The following ITIH4 variants were observed in gnomAD, a reference collection of about 807,000 sequenced individuals.
ITIH4 encodes the protein inter-alpha-trypsin inhibitor heavy chain H4.
A neutral mutation model predicts 111.8 loss-of-function variants in ITIH4; 79 were observed. The ratio of observed to expected loss-of-function variants is 0.71; its 90% CI spans 0.59 to 0.85. The LOEUF is 0.85. ITIH4 is among the 40% of genes least tolerant of loss of function. ITIH4 has a pLI of 0.00. For synonymous variants in ITIH4, 472 were observed against 468.3 expected (o/e 1.01, Z -0.10); for missense variants, 1,065 against 1,195.8 (o/e 0.89, Z 1.61).
chr3:52,818,512 G>GT lies in ITIH4; in HGVS notation c.2101dup (p.Thr701AsnfsTer5). On this transcript the variant is annotated frameshift_variant, in exon 18 of 24. Coordinates refer to ENST00000266041, the MANE Select transcript of ITIH4 (RefSeq NM_002218.5). LOFTEE classifies it high-confidence loss of function. ...AGACACAGCTGGATCAGGATTTGAG[G>GT]TGGCTGGTGGTGCTGAAGCAGGCAC... The GT allele has an allele frequency of 6.2e-7, 1 of 1,605,578 alleles. No homozygotes were observed. Among genetic ancestry groups the GT allele is most frequent in the Non-Finnish European group, 8.5e-7 (1 of 1,175,862 alleles).
rs952667541 is a variant in ITIH4, at chr3:52,825,925, G to A, written c.720C>T (p.Arg240=). The part of the protein sequence containing the change: ...ETVLDGNLII[R]YDVDRAISGG... ...CGGAGATGGCCCGGTCCACATCATA[G>A]CGGATAATGAGGTTGCCGTCCAGGA... Residue 240 remains arginine (R), a synonymous_variant, in exon 6 of 24, where the codon CGC becomes CGT. Transcript: ENST00000266041. 1.9e-6 allele frequency: 3 copies of A among 1,614,138 alleles called. No individual in the cohort carries two copies. The highest frequency in any genetic ancestry group is 2.2e-5 in the South Asian group (2 of 91,080).
rs56251734 is a variant in ITIH4, at chr3:52,823,136, G to A, written c.1539+420C>T. Among the ~76,000 whole-genome samples, 934 of 152,284 alleles carry A rather than the reference G, an allele frequency of 6.1e-3. 13 individuals are homozygous for A. The highest frequency in any genetic ancestry group is 0.022 in the African/African-American group (910 of 41,566). On this transcript the variant is annotated intron_variant, in intron 11 of 23. Transcript: ENST00000266041. Reference sequence around the variant, plus strand: ...CCTGGAAGGAGGCAGGGAAGGCTGGGCAAGGACAGGGTGCCACGTGGCAAG... The same window carrying A: ...CCTGGAAGGAGGCAGGGAAGGCTGGACAAGGACAGGGTGCCACGTGGCAAG...
Position 52,824,970 on chromosome 3 carries a change from G to T in ITIH4, c.760-12C>A. On this transcript the variant is annotated splice_polypyrimidine_tract_variant and intron_variant, in intron 6 of 23. Coordinates refer to ENST00000266041, the MANE Select transcript of ITIH4 (RefSeq NM_002218.5). This position sits in a 1 kb window ranked among gnomAD's most constrained non-coding sequence, Gnocchi z 4.3. ...TAGCCGTTCTCGATCTGTGGCCAGA[G>T]TGAGACCCACCCAGGCCATCAGAGC... 2 of 1,577,260 alleles carry T rather than the reference G, an allele frequency of 1.3e-6. No homozygotes were observed. The highest frequency in any genetic ancestry group is 1.7e-6 in the Non-Finnish European group (2 of 1,150,388).
At position 52,824,869 on chromosome 3, in the gene ITIH4, G is replaced by A; in HGVS notation, c.849C>T (p.Gly283=). 6.2e-7 allele frequency: 1 copy of A among 1,614,016 alleles called. No homozygotes were observed. ...GCTGGATTTTCCTGCCACTCATGGA[G>A]CCGCTCTTGTCAATGACAAAGACCA... The part of the protein sequence containing the change: ...KNVVFVIDKS[G]SMSGRKIQQT... Residue 283 remains glycine, a synonymous_variant, in exon 7 of 24, where the codon GGC becomes GGT. Transcript: ENST00000266041. The surrounding 1 kb of genome is among the most constrained non-coding windows in gnomAD (Gnocchi z 4.3).
intron 17 of ITIH4, chr3:52,818,784 T>C: frequency 1.9e-6 from 1 of 539,802 alleles, no homozygotes. Flanking sequence ...CTCTGTTGGC[T>C]TTCTGAACGG....
intron 4 of ITIH4, 48 bp downstream of exon 4, chr3:52,826,743 G>A: frequency 6.2e-7 from 1 of 1,613,262 alleles, no homozygotes; most frequent in Non-Finnish European, 8.5e-7. Context: ...CCCTCAGCAG[G>A]GCAAGGGTCA....
intron 11 of ITIH4, among the ~76,000 whole-genome samples, chr3:52,821,674 A>G (rs1405065265): frequency 6.6e-6 from 1 of 152,100 alleles, no homozygotes; most frequent in Non-Finnish European, 1.5e-5. Flanking sequence ...ACCGTGGGAC[A>G]ATGACAGGGA....
chr3:52,829,543 CCCA>C (rs1700536284), intron 1 of ITIH4, among the ~76,000 whole-genome samples: 2 of 152,182 alleles, frequency 1.3e-5, no homozygotes, highest in African/African-American at 4.8e-5. Flanking sequence ...TCTATAGGGG[CCCA>C]GAGCACCCCT....
At chr3:52,814,488 G>C in intron 21 of ITIH4, 125 bp from the exon 22 acceptor site, 3 of 754,652 alleles carry the variant, frequency 4.0e-6, no homozygotes, top group Non-Finnish European at 6.7e-6. Context: ...GCCTTGGGTG[G>C]GAAGGCCCTT....
chr3:52,814,871 A>ACCGCACCCAGCCTCT (rs1700252665), intron 21 of ITIH4, among the ~76,000 whole-genome samples: 1 of 152,162 alleles, frequency 6.6e-6, no homozygotes, highest in Non-Finnish European at 1.5e-5. Context: ...GGCGTGAGCC[A>ACCGCACCCAGCCTCT]CCGCACCCGG....
intron 20 of ITIH4, 51 bp downstream of exon 20, chr3:52,818,001 G>T: frequency 7.4e-7 from 1 of 1,355,464 alleles, no homozygotes. Flanking sequence ...GTAGGCAGGT[G>T]GTGGGTGTGT....
chr3:52,829,354 G>A (rs1700533734), intron 1 of ITIH4, 75 bp from the exon 2 acceptor site: 1 of 1,483,500 alleles, frequency 6.7e-7, no homozygotes, highest in Non-Finnish European at 9.2e-7. Context: ...TTCAAGAGTT[G>A]GCCCTGACTC....
Position 52,825,898 on chromosome 3 carries a change from C to T in ITIH4, c.747G>A (p.Gly249=). 3.7e-6 allele frequency: 6 copies of T among 1,613,876 alleles called. No individual in the cohort carries two copies. Among genetic ancestry groups the T allele is most frequent in the Non-Finnish European group, 5.1e-6 (6 of 1,179,912 alleles). Residue 249 remains glycine, a synonymous_variant, in exon 6 of 24, where the codon GGG becomes GGA. Transcript: ENST00000266041. ...GAAGTCCACCCACCTGAATGGAGCCCCCGGAGATGGCCCGGTCCACATCAT... is the reference window on the plus strand; with the variant it reads ...GAAGTCCACCCACCTGAATGGAGCCTCCGGAGATGGCCCGGTCCACATCAT... ...IRYDVDRAIS[G]GSIQIENGYF... is the part of the protein sequence containing the mutation.
intron 17 of ITIH4, chr3:52,819,190 G>T: frequency 1.7e-6 from 1 of 582,740 alleles, no homozygotes; most frequent in East Asian, 3.1e-5. Context: ...GGCGAGGACA[G>T]CCTCCTTAGG....
In ITIH4 at chr3:52,816,877, G is replaced by T; in HGVS notation, c.2471+7C>A. On this transcript the variant is annotated splice_region_variant and intron_variant, in intron 21 of 23. Transcript: ENST00000266041. The stretch of plus-strand genomic sequence containing the variant: ...ACCCCTGCCCCGGGCTCCAGCCTGG[G>T]CCTTACCCGGGCATCACTGAGAATA... The T allele has an allele frequency of 6.2e-7, 1 of 1,612,706 alleles. No homozygotes were observed. Among genetic ancestry groups the T allele is most frequent in the Non-Finnish European group, 8.5e-7 (1 of 1,179,266 alleles).
rs748587679 is a variant in ITIH4, at chr3:52,826,842, C to T, written c.468G>A (p.Val156=). 2 of 1,613,946 alleles carry T rather than the reference C, an allele frequency of 1.2e-6. No individual in the cohort carries two copies. Among genetic ancestry groups the T allele is most frequent in the Non-Finnish European group, 1.7e-6 (2 of 1,180,028 alleles). ...GCCGCACTTTCAGCAGCAGCTCGTACACCCCCAAACGCCGCTTGAGCAGCT... is the reference window on the plus strand; with the variant it reads ...GCCGCACTTTCAGCAGCAGCTCGTATACCCCCAAACGCCGCTTGAGCAGCT... ...YEELLKRRLG[V]YELLLKVRPQ... The change falls in exon 4 of 24, where the codon GTG becomes GTA. Residue 156 remains valine, a synonymous_variant. Transcript: ENST00000266041.
chr3:52,814,213 G>C lies in ITIH4; in HGVS notation c.2622C>G (p.Thr874=), dbSNP rs1218019771. 1 of 1,613,208 alleles carries C rather than the reference G, an allele frequency of 6.2e-7. No individual in the cohort carries two copies. Among genetic ancestry groups the C allele is most frequent in the East Asian group, 2.2e-5 (1 of 44,878 alleles). Residue 874 remains threonine, a synonymous_variant, in exon 22 of 24, where the codon ACC becomes ACG. Coordinates refer to ENST00000266041, the MANE Select transcript of ITIH4 (RefSeq NM_002218.5). ...CCCCGGTAATGGGCTCAGTACCAAGGGTCCCTCCAACGTGGCTGGAGAAGC... is the reference window on the plus strand; with the variant it reads ...CCCCGGTAATGGGCTCAGTACCAAGCGTCCCTCCAACGTGGCTGGAGAAGC... ...TDRFSSHVGG[T]LGQFYQEVLW... is the part of the protein sequence containing the mutation.
intron 6 of ITIH4, 70 bp downstream of exon 6, chr3:52,825,816 T>C (rs1358359000): frequency 1.3e-6 from 2 of 1,519,644 alleles, no homozygotes; most frequent in Non-Finnish European, 1.8e-6. Context: ...TGTTCTAAAA[T>C]ACCCAAGCTC....
At chr3:52,817,260 G>A (rs971335398) in intron 20 of ITIH4, among the ~76,000 whole-genome samples, 1 of 152,210 alleles carries the variant, frequency 6.6e-6, no homozygotes, top group Non-Finnish European at 1.5e-5. Flanking sequence ...GGTGTCTAAG[G>A]CTTTGGAGGG....
Sources: allele counts gnomAD v4.1 joint callset (sites outside exome capture counted in the v4.1 genomes callset), GRCh38; gene constraint gnomAD v4.1.1; non-coding constraint Gnocchi (gnomAD v3.1); transcripts MANE v1.5; gene names NCBI Gene and HGNC (gene_info 2026-07-23, HGNC 2026-07-21).